The following SH3GL3 variants were observed in gnomAD, a reference collection of about 807,000 sequenced individuals.
SH3GL3 encodes the protein SH3 domain containing GRB2 like 3, endophilin A3.
Under a neutral mutation model 47.7 loss-of-function variants are expected in SH3GL3, and 33 were observed. The observed-to-expected ratio is 0.69, with a 90% CI of 0.52 to 0.92. The LOEUF (loss-of-function observed/expected upper bound fraction) is 0.92. Among genes scored for constraint, SH3GL3 ranks in the 40% least tolerant of loss-of-function variants. The pLI, the probability that SH3GL3 is intolerant of heterozygous loss-of-function variation, is 0.00. For synonymous variants in SH3GL3, 155 were observed against 148.8 expected (o/e 1.04, Z -0.30); for missense variants, 363 against 417.8 (o/e 0.87, Z 1.14).
Position 83,490,994 on chromosome 15 carries a change from A to G in SH3GL3, c.45+43416A>G. Reference sequence around the variant, plus strand: ...TCATCAGCACAGAAGCACTGAAAGAAGGTACAGATCTTCATGGTGAAAAGT... The same window carrying G: ...TCATCAGCACAGAAGCACTGAAAGAGGGTACAGATCTTCATGGTGAAAAGT... On this transcript the variant is annotated intron_variant, in intron 1 of 8. Coordinates refer to ENST00000427482, the MANE Select transcript of SH3GL3 (RefSeq NM_003027.5). 3 of 1,588,860 alleles carry G rather than the reference A, an allele frequency of 1.9e-6. No individual in the cohort carries two copies. In the South Asian group the frequency reaches 3.4e-5, roughly 18 times the overall value.
At chr15:83,480,271 T>C (rs550371494) in intron 1 of SH3GL3, among the ~76,000 whole-genome samples, 1 of 152,366 alleles carries the variant, frequency 6.6e-6, no homozygotes, top group South Asian at 2.1e-4. Flanking sequence ...AAATTCATAT[T>C]TCTACACTGT....
At chr15:83,464,878 G>T (rs1255502032) in intron 1 of SH3GL3, among the ~76,000 whole-genome samples, 1 of 151,770 alleles carries the variant, frequency 6.6e-6, no homozygotes, top group Non-Finnish European at 1.5e-5. Flanking sequence ...AATGTATCTC[G>T]GGCCAGTGCA....
At chr15:83,609,916 A>G (rs1046147681) in intron 8 of SH3GL3, among the ~76,000 whole-genome samples, 1 of 152,174 alleles carries the variant, frequency 6.6e-6, no homozygotes, top group Non-Finnish European at 1.5e-5. Context: ...TTCTGATGCC[A>G]TCTCTACTCT....
rs142205989 is a variant in SH3GL3 at position 83,572,576 on chromosome 15, A to G, written c.343A>G (p.Ile115Val). The stretch of plus-strand genomic sequence containing the variant: ...GTTTTCTATTCAAGGCAATGCATTG[A>G]TAGAAGTTGGTGAATCCATGAAGCT... ...GEDSTFGNAL[I>V]EVGESMKLMA... Residue 115 changes from isoleucine (I) to valine (V), a missense_variant, in exon 5 of 9, where the codon ATA becomes GTA. Transcript: ENST00000427482. 12 of 1,612,836 alleles carry G rather than the reference A, an allele frequency of 7.4e-6. No homozygotes were observed. Among genetic ancestry groups the G allele is most frequent in the Non-Finnish European group, 1.0e-5 (12 of 1,179,328 alleles).
intron 1 of SH3GL3, among the ~76,000 whole-genome samples, chr15:83,545,289 T>C (rs2044342978): frequency 6.6e-6 from 1 of 152,202 alleles, no homozygotes; most frequent in Admixed American, 6.5e-5. Flanking sequence ...TGATCAGTTC[T>C]TCTGTTTAGA....
chr15:83,590,203 C>G (rs765737336), intron 8 of SH3GL3, among the ~76,000 whole-genome samples: 4 of 151,876 alleles, frequency 2.6e-5, no homozygotes, highest in Non-Finnish European at 5.9e-5. Context: ...TATCTTTAAA[C>G]TTTGTTTTTG....
intron 1 of SH3GL3, among the ~76,000 whole-genome samples, chr15:83,524,343 G>A (rs567456834): frequency 1.9e-4 from 29 of 152,254 alleles, no homozygotes; most frequent in Non-Finnish European, 3.8e-4. Context: ...ATGGATCCAT[G>A]CCTTTCACAT....
intron 1 of SH3GL3, among the ~76,000 whole-genome samples, chr15:83,466,567 T>C (rs1470925329): frequency 1.3e-5 from 2 of 152,118 alleles, no homozygotes; most frequent in Non-Finnish European, 2.9e-5. Context: ...GGTACTACTT[T>C]GCAGGTATCA....
rs750974228 is a variant in SH3GL3, at chr15:83,447,518, G to A, written c.-16G>A. The A allele has an allele frequency of 2.7e-6, 4 of 1,501,172 alleles. No individual in the cohort carries two copies. Among genetic ancestry groups the A allele is most frequent in the Admixed American group, 2.2e-5 (1 of 45,008 alleles). 93.0% of individuals were successfully genotyped at this position (1,501,172 alleles called of 1,614,324 possible). On this transcript the variant is annotated 5_prime_UTR_variant, in exon 1 of 9. Transcript: ENST00000427482. This position sits in a 1 kb window ranked among gnomAD's most constrained non-coding sequence, Gnocchi z 5.1. ...CGAGCCTTGAGACCACCCCGCCCCT[G>A]CCGGTCGCAGTCGCGATGTCGGTGG...
At chr15:83,474,606 A>G (rs562128867) in intron 1 of SH3GL3, among the ~76,000 whole-genome samples, 1 of 151,754 alleles carries the variant, frequency 6.6e-6, no homozygotes, top group African/African-American at 2.4e-5. Context: ...TAGTGGAAGG[A>G]TGTTACCTGC....
At chr15:83,491,048 G>T in intron 1 of SH3GL3, 1 of 1,386,946 alleles carries the variant, frequency 7.2e-7, no homozygotes, top group Non-Finnish European at 9.7e-7. Context: ...AAGGAGTGAT[G>T]ATTGACAAAG....
At chr15:83,530,888 T>A (rs1217504027) in intron 1 of SH3GL3, among the ~76,000 whole-genome samples, 3 of 152,184 alleles carry the variant, frequency 2.0e-5, no homozygotes, top group Non-Finnish European at 2.9e-5. Context: ...GGCCAGGAGA[T>A]CACATGGTTA....
chr15:83,584,776 T>C (rs1224804822), intron 6 of SH3GL3, among the ~76,000 whole-genome samples: 1 of 152,160 alleles, frequency 6.6e-6, no homozygotes, highest in Non-Finnish European at 1.5e-5. Context: ...ACCAGCACAG[T>C]GTCAGCCCAG....
At chr15:83,505,324 C>A (rs2042453552) in intron 1 of SH3GL3, among the ~76,000 whole-genome samples, 1 of 151,992 alleles carries the variant, frequency 6.6e-6, no homozygotes, top group African/African-American at 2.4e-5. Flanking sequence ...TCAAATAATG[C>A]CAGATTATAC....
chr15:83,564,194 A>G (rs2045426635), intron 2 of SH3GL3, among the ~76,000 whole-genome samples: 1 of 152,118 alleles, frequency 6.6e-6, no homozygotes, highest in Non-Finnish European at 1.5e-5. Flanking sequence ...TTAATCATGT[A>G]TATAGTATGA....
chr15:83,550,467 C>T lies in SH3GL3; in HGVS notation c.46-8786C>T, dbSNP rs546689808. ...GTGCAGTGGTGTGATTTCAACTCAC[C>T]GCACCTCCACCTCCTGGGTTCAAGT... is the stretch of plus-strand genomic sequence containing the variant. On this transcript the variant is annotated intron_variant, in intron 1 of 8. Coordinates refer to ENST00000427482, the MANE Select transcript of SH3GL3 (RefSeq NM_003027.5). Among the ~76,000 whole-genome samples, 7 of 152,120 alleles carry T rather than the reference C, an allele frequency of 4.6e-5. No individual in the cohort carries two copies. The South Asian group carries it at 6.2e-4, about 14-fold the overall frequency.
intron 6 of SH3GL3, among the ~76,000 whole-genome samples, chr15:83,581,184 C>T (rs1345655877): frequency 6.6e-6 from 1 of 152,218 alleles, no homozygotes; most frequent in East Asian, 1.9e-4. Context: ...GTGAGGAGAA[C>T]CCTGACTGGA....
intron 8 of SH3GL3, among the ~76,000 whole-genome samples, chr15:83,593,600 A>G (rs1337476367): frequency 6.6e-6 from 1 of 152,112 alleles, no homozygotes. Context: ...TTTTTAATAG[A>G]TTCCATAGTT....
downstream of SH3GL3, among the ~76,000 whole-genome samples, chr15:83,619,089 C>T (rs2060897979): frequency 6.6e-6 from 1 of 152,178 alleles, no homozygotes; most frequent in Admixed American, 6.5e-5. Flanking sequence ...CTCTTAGGCT[C>T]AGTGAACCAG....
Sources: gnomAD v4.1 joint callset for allele counts (sites outside exome capture counted in the v4.1 genomes callset) on GRCh38, gnomAD v4.1.1 for gene constraint, Gnocchi (gnomAD v3.1) non-coding constraint, MANE v1.5 for transcripts, NCBI Gene and HGNC (gene_info 2026-07-23, HGNC 2026-07-21) for gene names.